Variants in DDX10 observed in about 807,000 individuals in gnomAD.
The protein encoded by DDX10 is DEAD-box helicase 10.
A neutral mutation model predicts 104.3 loss-of-function variants in DDX10; 74 were observed. The observed-to-expected ratio is 0.71, with a 90% CI of 0.59 to 0.86. The LOEUF (loss-of-function observed/expected upper bound fraction) is 0.86. Ranked by LOEUF, DDX10 falls within the 40% of genes least tolerant of loss-of-function variation. The probability of loss-of-function intolerance (pLI) is 0.00; values close to 1 mark genes in which losing one functional copy is unlikely to be tolerated. For missense variants in DDX10, 952 were observed against 1,040.0 expected (o/e 0.92, Z 1.16); for synonymous variants, 351 against 353.4 (o/e 0.99, Z 0.08).
intron 13 of DDX10, among the ~76,000 whole-genome samples, chr11:108,826,790 A>G (rs1351744158): frequency 6.6e-6 from 1 of 152,210 alleles, no homozygotes; most frequent in Non-Finnish European, 1.5e-5. Context: ...CCCTTGATCC[A>G]GAACACTGAA....
intron 16 of DDX10, among the ~76,000 whole-genome samples, chr11:108,900,505 G>A (rs1863503903): frequency 6.6e-6 from 1 of 152,168 alleles, no homozygotes; most frequent in African/African-American, 2.4e-5. Context: ...CTGACTGAGT[G>A]CCTGCATTAG....
chr11:108,738,045 A>C (rs768026299), intron 13 of DDX10, among the ~76,000 whole-genome samples: 6 of 152,044 alleles, frequency 3.9e-5, no homozygotes, highest in Non-Finnish European at 5.9e-5. Context: ...CATATTCCAA[A>C]AACACTTAGC....
chr11:108,726,622 G>C (rs954410877), intron 13 of DDX10, among the ~76,000 whole-genome samples: 1 of 151,984 alleles, frequency 6.6e-6, no homozygotes, highest in Non-Finnish European at 1.5e-5. Context: ...TATGAGGTTT[G>C]TGAATGAGGA....
At chr11:108,899,906 G>C (rs2134647513) in intron 16 of DDX10, among the ~76,000 whole-genome samples, 2 of 152,274 alleles carry the variant, frequency 1.3e-5, no homozygotes, top group South Asian at 4.1e-4. Context: ...CTAAGGTCAG[G>C]AGTTCGAGAG....
chr11:108,676,759 G>A (rs2094225797), intron 3 of DDX10, among the ~76,000 whole-genome samples: 1 of 152,138 alleles, frequency 6.6e-6, no homozygotes. Context: ...TTTTAGTGTG[G>A]TTATTTAGAA....
At chr11:108,913,988 T>C (rs1863713413) in intron 16 of DDX10, among the ~76,000 whole-genome samples, 1 of 152,212 alleles carries the variant, frequency 6.6e-6, no homozygotes, top group African/African-American at 2.4e-5. Flanking sequence ...CAATATGGTA[T>C]AGCACCAACA....
At chr11:108,730,687 AC>A (rs1210157294) in intron 13 of DDX10, among the ~76,000 whole-genome samples, 1 of 152,204 alleles carries the variant, frequency 6.6e-6, no homozygotes, top group Non-Finnish European at 1.5e-5. Context: ...TAAAAAACTT[AC>A]TTGACTCTAA....
chr11:108,900,081 C>T (rs1863495889), intron 16 of DDX10, among the ~76,000 whole-genome samples: 1 of 151,780 alleles, frequency 6.6e-6, no homozygotes. Context: ...CACTGCACTC[C>T]AGCCTGGACA....
intron 13 of DDX10, among the ~76,000 whole-genome samples, chr11:108,779,110 A>G (rs919913014): frequency 6.6e-6 from 1 of 152,240 alleles, no homozygotes; most frequent in Non-Finnish European, 1.5e-5. Flanking sequence ...TAGTTCAACC[A>G]TTGTGGAAGA....
At chr11:108,788,642 C>T (rs890979863) in intron 13 of DDX10, among the ~76,000 whole-genome samples, 7 of 152,202 alleles carry the variant, frequency 4.6e-5, no homozygotes, top group Non-Finnish European at 8.8e-5. Context: ...GGATGACAGG[C>T]GTAAGCCATG....
chr11:108,764,917 A>G (rs1223137258), intron 13 of DDX10, among the ~76,000 whole-genome samples: 4 of 152,186 alleles, frequency 2.6e-5, no homozygotes, highest in Admixed American at 6.5e-5. Flanking sequence ...AAAACTTCGG[A>G]ATGAAAAAAC....
intron 17 of DDX10, among the ~76,000 whole-genome samples, chr11:108,926,258 A>T (rs576251632): frequency 5.9e-5 from 9 of 152,328 alleles, no homozygotes; most frequent in Non-Finnish European, 1.0e-4. Context: ...GATTTCGTGA[A>T]AAATGATGGC....
intron 11 of DDX10, among the ~76,000 whole-genome samples, chr11:108,719,272 A>G (rs1054719534): frequency 6.6e-6 from 1 of 152,156 alleles, no homozygotes; most frequent in Non-Finnish European, 1.5e-5. Flanking sequence ...TTTTGATACA[A>G]TAATACAAAA....
intron 16 of DDX10, among the ~76,000 whole-genome samples, chr11:108,866,744 T>C (rs1366187458): frequency 6.6e-6 from 1 of 152,222 alleles, no homozygotes; most frequent in Non-Finnish European, 1.5e-5. Context: ...GTAGGTATTA[T>C]CAATACATTT....
chr11:108,887,779 G>A (rs190143298), intron 16 of DDX10, among the ~76,000 whole-genome samples: 1 of 152,128 alleles, frequency 6.6e-6, no homozygotes, highest in Non-Finnish European at 1.5e-5. Context: ...AGCTGGTTGT[G>A]GTAGTGGGTG....
intron 9 of DDX10, among the ~76,000 whole-genome samples, chr11:108,700,962 T>C (rs1332611543): frequency 6.6e-6 from 1 of 152,170 alleles, no homozygotes; most frequent in Non-Finnish European, 1.5e-5. Context: ...TCTTAGTCAG[T>C]GCTAGAAGCT....
intron 16 of DDX10, among the ~76,000 whole-genome samples, chr11:108,874,189 C>T (rs1054992609): frequency 2.6e-5 from 4 of 152,048 alleles, no homozygotes; most frequent in African/African-American, 7.2e-5. Flanking sequence ...AAAAAAATAC[C>T]GTGTGTGATG....
intron 13 of DDX10, among the ~76,000 whole-genome samples, chr11:108,755,979 C>G (rs2094344004): frequency 6.6e-6 from 1 of 151,668 alleles, no homozygotes; most frequent in African/African-American, 2.4e-5. Flanking sequence ...CCCTCTTTCC[C>G]TCTTTCCCTC....
chr11:108,762,798 C>G (rs2094352248), intron 13 of DDX10, among the ~76,000 whole-genome samples: 1 of 152,178 alleles, frequency 6.6e-6, no homozygotes, highest in South Asian at 2.1e-4. Context: ...TCCACATCCC[C>G]ATGGAGAGTG....
Sources: gnomAD v4.1 joint callset for allele counts (sites outside exome capture counted in the v4.1 genomes callset) on GRCh38, gnomAD v4.1.1 for gene constraint, MANE v1.5 for transcripts, NCBI Gene and HGNC (gene_info 2026-07-23, HGNC 2026-07-21) for gene names.